Variants in TNS3 observed in about 807,000 individuals in gnomAD.
The protein encoded by TNS3 is tensin 3.
In TNS3, 45 loss-of-function variants were observed where a neutral mutation model predicts 140.9. The observed-to-expected ratio is 0.32, with a 90% CI of 0.25 to 0.41. The LOEUF (loss-of-function observed/expected upper bound fraction) is 0.41, where lower values mean the gene tolerates loss of function less well. Among genes scored for constraint, TNS3 ranks in the 10% least tolerant of loss-of-function variants. The pLI is 1.00. For missense variants in TNS3, 1,716 were observed against 1,906.7 expected (o/e 0.90, Z 1.86); for synonymous variants, 815 against 788.4 (o/e 1.03, Z -0.56).
At chr7:47,539,249 G>A (rs1799713405) in intron 1 of TNS3, 1 of 404,994 alleles carries the variant, frequency 2.5e-6, no homozygotes. Context: ...CAGAGTGGAA[G>A]GCAAATGGTT....
intron 24 of TNS3, 149 bp from the exon 25 acceptor site, chr7:47,293,977 C>G: frequency 1.4e-6 from 1 of 720,604 alleles, no homozygotes; most frequent in East Asian, 2.7e-5. Flanking sequence ...CTGCCAAGAA[C>G]CATCTTCGTC....
chr7:47,331,163 C>T (rs1463391275), intron 20 of TNS3, among the ~76,000 whole-genome samples: 3 of 152,138 alleles, frequency 2.0e-5, no homozygotes, highest in Admixed American at 2.0e-4. Flanking sequence ...AGGCAGTTCT[C>T]GAAGGCCTGG....
intron 3 of TNS3, among the ~76,000 whole-genome samples, chr7:47,503,118 G>A (rs754285029): frequency 3.3e-5 from 5 of 152,144 alleles, no homozygotes; most frequent in Non-Finnish European, 7.3e-5. Context: ...TGGTCCCTAC[G>A]TGGGGTCTTA....
At chr7:47,300,941 A>G (rs1786366258) in intron 23 of TNS3, among the ~76,000 whole-genome samples, 1 of 152,240 alleles carries the variant, frequency 6.6e-6, no homozygotes, top group Admixed American at 6.5e-5. Context: ...TCTTCCACTT[A>G]AAATGACAAT....
At chr7:47,330,630 G>A (rs138896963) in intron 20 of TNS3, among the ~76,000 whole-genome samples, 3 of 152,204 alleles carry the variant, frequency 2.0e-5, no homozygotes, top group Non-Finnish European at 4.4e-5. Context: ...GGAGGGAGAG[G>A]AGGAACAGAG....
chr7:47,400,037 A>C (rs1011237572), intron 15 of TNS3, among the ~76,000 whole-genome samples: 2 of 152,170 alleles, frequency 1.3e-5, no homozygotes, highest in Non-Finnish European at 2.9e-5. Flanking sequence ...ACATTTTTCA[A>C]AAGATATACA....
At chr7:47,320,348 A>ATTCCTT (rs1319380162) in intron 20 of TNS3, among the ~76,000 whole-genome samples, 4 of 152,184 alleles carry the variant, frequency 2.6e-5, no homozygotes, top group African/African-American at 9.7e-5. Context: ...CACGAACCTC[A>ATTCCTT]TTCCTTTTCC....
chr7:47,278,430 G>A, intron 30 of TNS3: 1 of 580,060 alleles, frequency 1.7e-6, no homozygotes, highest in Non-Finnish European at 3.0e-6. Flanking sequence ...CTCTAGCTCT[G>A]CAGTGAGGAC....
At chr7:47,303,615 A>C in intron 21 of TNS3, 31 bp from the exon 22 acceptor site, 1 of 1,552,378 alleles carries the variant, frequency 6.4e-7, no homozygotes, top group Non-Finnish European at 8.7e-7. Context: ...CCAAGACAGC[A>C]TGTAAGGTAC....
intron 17 of TNS3, among the ~76,000 whole-genome samples, chr7:47,357,487 T>C (rs902761606): frequency 5.3e-5 from 8 of 151,894 alleles, no homozygotes; most frequent in African/African-American, 1.9e-4. Context: ...CCAGAAATGG[T>C]TTTAGGAGTC....
intron 4 of TNS3, among the ~76,000 whole-genome samples, chr7:47,469,943 C>T (rs181206373): frequency 1.5e-4 from 19 of 123,530 alleles, no homozygotes; most frequent in African/African-American, 5.6e-4. Flanking sequence ...CACTGCACTC[C>T]AGCCTGGGCA....
intron 1 of TNS3, among the ~76,000 whole-genome samples, chr7:47,563,659 A>G (rs533486050): frequency 6.6e-6 from 1 of 152,302 alleles, no homozygotes; most frequent in Admixed American, 6.5e-5. Context: ...TGAACAGTGT[A>G]TTATCTCATG....
In TNS3 at chr7:47,512,831, A is replaced by T. The variant is rs888841843; in HGVS notation, c.-152-5887T>A. 1.2e-4 allele frequency among the ~76,000 whole-genome samples: 18 copies of T among 152,264 alleles called. 1 individual carries two copies. The highest frequency in any genetic ancestry group is 1.2e-3 in the Admixed American group (18 of 15,294). ...AGCTGAAATGAATTATTAGAATAAA[A>T]TATCAGAGAACATCTTTGTGACTTT... On this transcript the variant is annotated intron_variant, in intron 2 of 30. Transcript: ENST00000311160.
intron 17 of TNS3, among the ~76,000 whole-genome samples, chr7:47,358,337 T>C (rs2151074323): frequency 6.6e-6 from 1 of 152,252 alleles, no homozygotes; most frequent in Non-Finnish European, 1.5e-5. Flanking sequence ...TGAGGTTTCA[T>C]CATATTGGCC....
At position 47,297,151 on chromosome 7, in the gene TNS3, GGAAGGAATGGCTGTCTC is replaced by G; in HGVS notation, c.3590_3606del (p.Arg1197ProfsTer30). 1 of 1,613,872 alleles carries G rather than the reference GGAAGGAATGGCTGTCTC, an allele frequency of 6.2e-7. No homozygotes were observed. Among genetic ancestry groups the G allele is most frequent in the Non-Finnish European group, 8.5e-7 (1 of 1,179,998 alleles). ...TTCATGGCCAGGCCATAGGCCCCTC[GGAAGGAATGGCTGTCTC>G]GAACAATGAATGAGCCCGGCTCCTT... On this transcript the variant is annotated frameshift_variant, in exon 24 of 31. Coordinates refer to ENST00000311160, the MANE Select transcript of TNS3 (RefSeq NM_022748.12). LOFTEE classifies it high-confidence loss of function.
intron 1 of TNS3, among the ~76,000 whole-genome samples, chr7:47,575,018 T>C (rs1344013255): frequency 6.6e-6 from 1 of 152,182 alleles, no homozygotes; most frequent in Non-Finnish European, 1.5e-5. Flanking sequence ...AAAGTTCATG[T>C]TATGCATGTT....
chr7:47,537,734 A>G (rs1205680461), intron 1 of TNS3, among the ~76,000 whole-genome samples: 9 of 152,184 alleles, frequency 5.9e-5, no homozygotes, highest in African/African-American at 1.9e-4. Context: ...GATAATCTAC[A>G]CTAGCAAACA....
At chr7:47,428,290 C>A (rs370154054) in intron 9 of TNS3, 22 bp downstream of exon 9, 4 of 1,404,970 alleles carry the variant, frequency 2.8e-6, no homozygotes, top group Admixed American at 2.8e-5. Flanking sequence ...CTCAAGACAG[C>A]GAGCTGACAT....
At chr7:47,541,731 A>G (rs1275545289) in intron 1 of TNS3, among the ~76,000 whole-genome samples, 1 of 151,994 alleles carries the variant, frequency 6.6e-6, no homozygotes, top group East Asian at 1.9e-4. Context: ...AGCGGATCAC[A>G]AGGTCAGGAG....
Sources: allele counts gnomAD v4.1 joint callset (sites outside exome capture counted in the v4.1 genomes callset), GRCh38; gene constraint gnomAD v4.1.1; transcripts MANE v1.5; gene names NCBI Gene and HGNC (gene_info 2026-07-23, HGNC 2026-07-21).